The following CMIP variants were observed in gnomAD, a reference collection of about 807,000 sequenced individuals.
CMIP encodes c-Maf inducing protein, also known as C-Maf-inducing protein.
Under a neutral mutation model 97.3 loss-of-function variants are expected in CMIP, and 13 were observed. That is an observed-to-expected ratio of 0.13 (90% confidence interval 0.09 to 0.21). The LOEUF is 0.21. Among genes scored for constraint, CMIP ranks in the 10% least tolerant of loss-of-function variants. CMIP has a pLI of 1.00. For missense variants in CMIP, 847 were observed against 1,024.9 expected, an observed-to-expected ratio of 0.83 and a Z score of 2.37; for synonymous variants, 538 against 436.3, an observed-to-expected ratio of 1.23 and a Z score of -2.91.
At chr16:81,666,616 C>T (rs1013743813) in intron 7 of CMIP, 4 of 152,138 alleles carry the variant, frequency 2.6e-5, no homozygotes, top group African/African-American at 4.8e-5. Context: ...CATGAGTCCT[C>T]GCCTCACTTG....
intron 18 of CMIP, 77 bp downstream of exon 18, chr16:81,704,162 C>T: frequency 7.4e-7 from 1 of 1,343,570 alleles, no homozygotes; most frequent in Non-Finnish European, 1.0e-6. Flanking sequence ...TTCCCCCGTA[C>T]CATCTTCCTT....
Position 81,678,542 on chromosome 16 carries a change from C to G in CMIP, c.1302C>G (p.Val434=), listed in dbSNP as rs1215261543. ...SEPNLIDCLM[V]SPACSTMSIE... ...CCAACCTCATCGACTGCCTCATGGTCAGCCCCGCCTGCAGCACCATGAGCA... is the reference window on the plus strand; with the variant it reads ...CCAACCTCATCGACTGCCTCATGGTGAGCCCCGCCTGCAGCACCATGAGCA... The change falls in exon 10 of 21, where the codon GTC becomes GTG. Residue 434 remains valine, a synonymous_variant. Coordinates refer to ENST00000537098, the MANE Select transcript of CMIP (RefSeq NM_198390.3). 1 of 1,606,652 alleles carries G rather than the reference C, an allele frequency of 6.2e-7. No homozygotes were observed. The highest frequency in any genetic ancestry group is 2.2e-5 in the East Asian group (1 of 44,714).
At chr16:81,505,022 G>A (rs974820332) in intron 1 of CMIP, among the ~76,000 whole-genome samples, 6 of 152,236 alleles carry the variant, frequency 3.9e-5, no homozygotes, top group South Asian at 2.1e-4. Context: ...AACGGGCAGC[G>A]CAGCTGCTCA....
At chr16:81,530,988 G>A (rs1475729312) in intron 1 of CMIP, among the ~76,000 whole-genome samples, 1 of 152,122 alleles carries the variant, frequency 6.6e-6, no homozygotes, top group Non-Finnish European at 1.5e-5. Flanking sequence ...GATGTCTTCT[G>A]GGATCGTCAT....
intron 1 of CMIP, among the ~76,000 whole-genome samples, chr16:81,553,768 C>G (rs1158369355): frequency 1.4e-5 from 2 of 145,978 alleles, no homozygotes; most frequent in Non-Finnish European, 3.0e-5. Flanking sequence ...GGCCAAGATT[C>G]CTCTGTGGGG....
At chr16:81,698,105 T>C (rs1906966201) in intron 14 of CMIP, 1 of 150,496 alleles carries the variant, frequency 6.6e-6, no homozygotes, top group East Asian at 2.0e-4. Context: ...CTGTTCATGA[T>C]GGAGCGGAAA....
rs151292974 is a variant in CMIP, at chr16:81,471,397, C to T, written c.300+25856C>T. ...GTATACATGTGCATATGCATATACA[C>T]GTACAAATGCATACACACATACATG... is the stretch of plus-strand genomic sequence containing the variant. On this transcript the variant is annotated intron_variant, in intron 1 of 20. Transcript: ENST00000537098. Among the ~76,000 whole-genome samples, 743 of 145,868 alleles carry T rather than the reference C, an allele frequency of 5.1e-3. 7 individuals carry two copies. The highest frequency in any genetic ancestry group is 0.016 in the African/African-American group (669 of 40,810).
Position 81,445,317 on chromosome 16 carries a change from G to A in CMIP, c.76G>A (p.Asp26Asn), listed in dbSNP as rs746372262. Residue 26 changes from aspartate (D) to asparagine (N), a missense_variant, in exon 1 of 21, where the codon GAC (aspartate) becomes AAC (asparagine). Transcript: ENST00000537098. Reference protein sequence around the residue: ...IEETKPLLGGDVSAPEGTKMG... With the variant: ...IEETKPLLGGNVSAPEGTKMG... ...GGAGACCAAGCCGCTGCTGGGGGGC[G>A]ACGTGTCGGCCCCCGAAGGCACGAA... The A allele has an allele frequency of 1.3e-6, 2 of 1,578,120 alleles. No homozygotes were observed. The highest frequency in any genetic ancestry group is 1.7e-6 in the Non-Finnish European group (2 of 1,163,520).
At chr16:81,564,430 A>C (rs2090942543) in intron 1 of CMIP, among the ~76,000 whole-genome samples, 1 of 152,212 alleles carries the variant, frequency 6.6e-6, no homozygotes, top group African/African-American at 2.4e-5. Context: ...AAATAAAACC[A>C]CAAAGCTATT....
intron 9 of CMIP, among the ~76,000 whole-genome samples, chr16:81,674,160 C>A (rs1023575613): frequency 6.6e-6 from 1 of 152,184 alleles, no homozygotes; most frequent in African/African-American, 2.4e-5. Context: ...CTTCCCTGAT[C>A]AGAAGGAAGT....
In CMIP at chr16:81,616,182, C is replaced by T. The variant is rs2091915775; in HGVS notation, c.427-4694C>T. 6.7e-6 allele frequency among the ~76,000 whole-genome samples: 1 copy of T among 149,218 alleles called. No individual in the cohort carries two copies. Among genetic ancestry groups the T allele is most frequent in the Admixed American group, 6.6e-5 (1 of 15,060 alleles). ...TTTTTTTTTTTTTTTTAACACCAGG[C>T]TCACTGGAGCAGTCGCAGTTAATCC... is the stretch of plus-strand genomic sequence containing the variant. On this transcript the variant is annotated intron_variant, in intron 2 of 20. Coordinates refer to ENST00000537098, the MANE Select transcript of CMIP (RefSeq NM_198390.3). The surrounding 1 kb of genome is among the most constrained non-coding windows in gnomAD (Gnocchi z 4.7).
chr16:81,556,388 C>T (rs933413255), intron 1 of CMIP, among the ~76,000 whole-genome samples: 1 of 152,144 alleles, frequency 6.6e-6, no homozygotes, highest in Non-Finnish European at 1.5e-5. Flanking sequence ...AATTCTTCTG[C>T]ATATATAGCT....
intron 3 of CMIP, among the ~76,000 whole-genome samples, chr16:81,635,738 A>G (rs563840898): frequency 1.3e-5 from 2 of 152,288 alleles, no homozygotes; most frequent in African/African-American, 4.8e-5. Context: ...ACCTGTTTTT[A>G]TAAATAAGGA....
At chr16:81,574,653 T>C (rs1204589943) in intron 1 of CMIP, among the ~76,000 whole-genome samples, 1 of 152,220 alleles carries the variant, frequency 6.6e-6, no homozygotes, top group African/African-American at 2.4e-5. Context: ...TTCCTCACCC[T>C]TGCTCAGTTT....
intron 4 of CMIP, among the ~76,000 whole-genome samples, chr16:81,657,383 A>G (rs184083508): frequency 6.6e-6 from 1 of 152,252 alleles, no homozygotes; most frequent in African/African-American, 2.4e-5. Flanking sequence ...TTCTTTACAT[A>G]CTTATTATGA....
intron 1 of CMIP, among the ~76,000 whole-genome samples, chr16:81,459,380 C>T (rs1023540861): frequency 2.6e-5 from 4 of 152,042 alleles, no homozygotes; most frequent in Admixed American, 6.6e-5. Flanking sequence ...GACCCCGTGC[C>T]GTGACCCTGC....
At chr16:81,480,445 C>T (rs1908188201) in intron 1 of CMIP, among the ~76,000 whole-genome samples, 1 of 152,200 alleles carries the variant, frequency 6.6e-6, no homozygotes, top group South Asian at 2.1e-4. Context: ...GAGGCTGAGG[C>T]ATGAGAATCG....
intron 1 of CMIP, among the ~76,000 whole-genome samples, chr16:81,537,285 G>A (rs1299803533): frequency 2.0e-5 from 3 of 151,210 alleles, no homozygotes; most frequent in Non-Finnish European, 3.0e-5. Flanking sequence ...CTGTAATGCC[G>A]GCACTTTGGG....
intron 1 of CMIP, among the ~76,000 whole-genome samples, chr16:81,597,595 G>T (rs897048610): frequency 2.0e-5 from 2 of 97,762 alleles, no homozygotes; most frequent in Non-Finnish European, 4.1e-5. Context: ...GAGGGGAGCG[G>T]GGGGGGGGGA....
Sources: gnomAD v4.1 joint callset for allele counts (sites outside exome capture counted in the v4.1 genomes callset) on GRCh38, gnomAD v4.1.1 for gene constraint, Gnocchi (gnomAD v3.1) non-coding constraint, MANE v1.5 for transcripts, NCBI Gene and HGNC (gene_info 2026-07-23, HGNC 2026-07-21) for gene names.